Variants in WDR17 observed in about 807,000 individuals in gnomAD.
WDR17 encodes WD repeat-containing protein 17.
Under a neutral mutation model 161.7 loss-of-function variants are expected in WDR17, and 143 were observed. The observed-to-expected ratio is 0.88, with a 90% CI of 0.77 to 1.02. WDR17 has a LOEUF of 1.02. Ranked by LOEUF, WDR17 falls within the 50% of genes least tolerant of loss-of-function variation. The pLI is 0.00. For missense variants in WDR17, 1,469 were observed against 1,520.9 expected (o/e 0.97, Z 0.57); for synonymous variants, 517 against 515.6 (o/e 1.00, Z -0.04).
chr4:176,097,964 A>G (rs747678457), intron 1 of WDR17, among the ~76,000 whole-genome samples: 6 of 151,972 alleles, frequency 3.9e-5, no homozygotes, highest in Non-Finnish European at 8.8e-5. Context: ...TTTGAAACAT[A>G]CTAAAAGTGT....
chr4:176,133,459 C>T (rs1477258850), intron 7 of WDR17, among the ~76,000 whole-genome samples: 2 of 144,242 alleles, frequency 1.4e-5, no homozygotes, highest in Non-Finnish European at 3.0e-5. Flanking sequence ...TTTTCTATGA[C>T]ACTTCGTATT....
At chr4:176,130,255 A>G (rs1282188284) in intron 6 of WDR17, among the ~76,000 whole-genome samples, 2 of 152,176 alleles carry the variant, frequency 1.3e-5, no homozygotes, top group Non-Finnish European at 2.9e-5. Flanking sequence ...AAAGTGTTAG[A>G]AAAACCAATG....
intron 5 of WDR17, among the ~76,000 whole-genome samples, chr4:176,126,058 C>T (rs1373879094): frequency 6.6e-6 from 1 of 152,162 alleles, no homozygotes; most frequent in African/African-American, 2.4e-5. Flanking sequence ...CTATATTAAT[C>T]CATTCATAAG....
intron 8 of WDR17, among the ~76,000 whole-genome samples, chr4:176,135,806 C>G (rs947544510): frequency 6.6e-6 from 1 of 151,518 alleles, no homozygotes; most frequent in Non-Finnish European, 1.5e-5. Context: ...CTGACATTTT[C>G]TCCCAAAACA....
chr4:176,156,183 A>G (rs1261116083), intron 18 of WDR17, 40 bp downstream of exon 18: 2 of 1,580,496 alleles, frequency 1.3e-6, no homozygotes, highest in Non-Finnish European at 1.7e-6. Context: ...GATGTTTTAA[A>G]ATCATGTTAG....
intron 8 of WDR17, among the ~76,000 whole-genome samples, chr4:176,137,302 C>A (rs540517125): frequency 1.6e-4 from 24 of 151,592 alleles, no homozygotes; most frequent in African/African-American, 5.3e-4. Context: ...ATAGACAGAA[C>A]AAGATTGGCC....
At chr4:176,154,679 A>G (rs1747783753) in intron 17 of WDR17, among the ~76,000 whole-genome samples, 1 of 152,182 alleles carries the variant, frequency 6.6e-6, no homozygotes, top group Non-Finnish European at 1.5e-5. Context: ...AACATATTTT[A>G]AGATACCTTT....
At chr4:176,160,173 T>C (rs1748820896) in intron 19 of WDR17, 47 bp downstream of exon 19, 1 of 1,604,766 alleles carries the variant, frequency 6.2e-7, no homozygotes, top group African/African-American at 1.3e-5. Flanking sequence ...TGCTTGAGCA[T>C]GTAGAAGGGA....
intron 8 of WDR17, 58 bp from the exon 9 acceptor site, chr4:176,137,461 TA>T: frequency 7.1e-7 from 1 of 1,406,058 alleles, no homozygotes; most frequent in Non-Finnish European, 9.9e-7. Context: ...TTACATTTTT[TA>T]AAAGAATTAC....
At chr4:176,079,163 G>T (rs984600349) in intron 1 of WDR17, among the ~76,000 whole-genome samples, 1 of 152,088 alleles carries the variant, frequency 6.6e-6, no homozygotes, top group African/African-American at 2.4e-5. Flanking sequence ...CACTTAACAT[G>T]TCTTCCAGGC....
Position 176,174,601 on chromosome 4 carries a change from A to G in WDR17, c.3348-16A>G, listed in dbSNP as rs748094758. On this transcript the variant is annotated splice_polypyrimidine_tract_variant and intron_variant, in intron 25 of 28. Coordinates refer to ENST00000508596, the MANE Select transcript of WDR17 (RefSeq NM_181265.4). ...CAAATTGTGGAATTTATAAAAATAA[A>G]TATATTCTCTTTTAGAGCTCGAAAT... is the stretch of plus-strand genomic sequence containing the variant. 1.3e-5 allele frequency: 20 copies of G among 1,573,500 alleles called. No homozygotes were observed. The highest frequency in any genetic ancestry group is 2.7e-5 in the African/African-American group (2 of 73,612).
At position 176,181,834 on chromosome 4, in the gene WDR17, A is replaced by G. The variant is rs1412215374; in HGVS notation, c.*2255A>G. The G allele has an allele frequency of 6.6e-6, 1 of 152,084 alleles. No individual in the cohort carries two copies. The highest frequency in any genetic ancestry group is 1.5e-5 in the Non-Finnish European group (1 of 67,974). The allele number at this position is 152,084 out of a possible 1,614,324, so 9.4% of individuals were successfully genotyped here. A position where few individuals can be genotyped will look rare whatever the true frequency, so the allele number is the denominator to read the frequency against. ...TTTATGTATAAAAGATGAAGAAAAA[A>G]TTTTGCAAGTCTTTAAGCACATAAA... On this transcript the variant is annotated 3_prime_UTR_variant, in exon 29 of 29. Transcript: ENST00000508596.
chr4:176,066,670 T>A (rs1299485945), intron 1 of WDR17, among the ~76,000 whole-genome samples: 2 of 152,158 alleles, frequency 1.3e-5, no homozygotes, highest in African/African-American at 4.8e-5. Flanking sequence ...GGAGACTTTT[T>A]AAATATATTA....
intron 4 of WDR17, among the ~76,000 whole-genome samples, chr4:176,123,844 G>T (rs1741993470): frequency 6.6e-6 from 1 of 152,184 alleles, no homozygotes; most frequent in Non-Finnish European, 1.5e-5. Context: ...GACATTGGGG[G>T]ATGAGGCTGA....
At position 176,173,247 on chromosome 4, in the gene WDR17, A is replaced by C. The variant is rs569822270; in HGVS notation, c.3245-20A>C. ...GAGACTGTTATTTAATGAATCTTCCATCTGGTTTAATTTTTCCAGAATACA... is the reference window on the plus strand; with the variant it reads ...GAGACTGTTATTTAATGAATCTTCCCTCTGGTTTAATTTTTCCAGAATACA... On this transcript the variant is annotated intron_variant, in intron 24 of 28. Coordinates refer to ENST00000508596, the MANE Select transcript of WDR17 (RefSeq NM_181265.4). 2.8e-4 allele frequency: 416 copies of C among 1,512,062 alleles called. 3 individuals carry two copies. Among genetic ancestry groups the C allele is most frequent in the South Asian group, 2.5e-3 (211 of 83,118 alleles). 93.7% of individuals were successfully genotyped at this position (1,512,062 alleles called of 1,614,324 possible). A position where few individuals can be genotyped will look rare whatever the true frequency, so the allele number is the denominator to read the frequency against.
At chr4:176,142,549 A>G (rs1459276432) in intron 11 of WDR17, among the ~76,000 whole-genome samples, 1 of 152,222 alleles carries the variant, frequency 6.6e-6, no homozygotes, top group Non-Finnish European at 1.5e-5. Context: ...TTGACAGCCA[A>G]GTATTTATCA....
At position 176,179,634 on chromosome 4, in the gene WDR17, T is replaced by A; in HGVS notation, c.*55T>A. On this transcript the variant is annotated 3_prime_UTR_variant, in exon 29 of 29. Coordinates refer to ENST00000508596, the MANE Select transcript of WDR17 (RefSeq NM_181265.4). ...TTTTTTAAAGAAAAACTTTCATGGGTTAGCATTACCTTAATCTTTGTTGCT... is the reference window on the plus strand; with the variant it reads ...TTTTTTAAAGAAAAACTTTCATGGGATAGCATTACCTTAATCTTTGTTGCT... The A allele has an allele frequency of 1.3e-6, 2 of 1,487,910 alleles. No individual in the cohort carries two copies. Among genetic ancestry groups the A allele is most frequent in the Non-Finnish European group, 1.8e-6 (2 of 1,115,376 alleles). The allele number at this position is 1,487,910 out of a possible 1,614,324, so 92.2% of individuals were successfully genotyped here. A position where few individuals can be genotyped will look rare whatever the true frequency, so the allele number is the denominator to read the frequency against.
chr4:176,170,729 T>C (rs1750610795), intron 23 of WDR17, among the ~76,000 whole-genome samples: 1 of 152,242 alleles, frequency 6.6e-6, no homozygotes, highest in Non-Finnish European at 1.5e-5. Context: ...TCATCACACA[T>C]TCTAAAAGGA....
chr4:176,109,068 G>T (rs190904949), intron 1 of WDR17, among the ~76,000 whole-genome samples: 1 of 152,282 alleles, frequency 6.6e-6, no homozygotes, highest in African/African-American at 2.4e-5. Flanking sequence ...GGGATTACAG[G>T]CATAAGCCCC....
Sources: gnomAD v4.1 joint callset for allele counts (sites outside exome capture counted in the v4.1 genomes callset) on GRCh38, gnomAD v4.1.1 for gene constraint, MANE v1.5 for transcripts, NCBI Gene and HGNC (gene_info 2026-07-23, HGNC 2026-07-21) for gene names.